CLOCK: variants seen among roughly 807,000 people sequenced by gnomAD.
CLOCK encodes the protein clock circadian regulator, also known as circadian locomoter output cycles protein kaput.
In CLOCK, 43 loss-of-function variants were observed where a neutral mutation model predicts 118.4. That is an observed-to-expected ratio of 0.36 (90% CI 0.28 to 0.47). CLOCK has a LOEUF of 0.47. CLOCK is among the 20% of genes least tolerant of loss of function. CLOCK has a pLI of 1.00. For synonymous variants in CLOCK, 326 were observed against 339.2 expected, an observed-to-expected ratio of 0.96 and a Z score of 0.43; for missense variants, 846 against 999.9, an observed-to-expected ratio of 0.85 and a Z score of 2.08.
At position 55,479,693 on chromosome 4, in the gene CLOCK, G is replaced by A; in HGVS notation, c.54C>T (p.Asp18=). The change falls in exon 5 of 23, where the codon GAC becomes GAT. Residue 18 remains aspartate, a synonymous_variant. Transcript: ENST00000513440. ...SKMSSIVDRD[D]SSIFDGLVEE... ...CCACCAACCCATCAAAAATACTACTGTCATCTCTAAAAGAAAGCGGATAGA... is the reference window on the plus strand; with the variant it reads ...CCACCAACCCATCAAAAATACTACTATCATCTCTAAAAGAAAGCGGATAGA... 1 of 1,612,448 alleles carries A rather than the reference G, an allele frequency of 6.2e-7. No homozygotes were observed. The highest frequency in any genetic ancestry group is 8.5e-7 in the Non-Finnish European group (1 of 1,178,978).
At chr4:55,446,940 A>C (rs1723902643) in intron 18 of CLOCK, among the ~76,000 whole-genome samples, 1 of 152,248 alleles carries the variant, frequency 6.6e-6, no homozygotes, top group Non-Finnish European at 1.5e-5. Context: ...TTCAGGGCAC[A>C]CAACTTTGAT....
At position 55,430,525 on chromosome 4, in the gene CLOCK, C is replaced by G. The variant is rs1008177481; in HGVS notation, c.*4890G>C. 5.3e-5 allele frequency: 8 copies of G among 152,162 alleles called. No homozygotes were observed. Among genetic ancestry groups the G allele is most frequent in the African/African-American group, 1.9e-4 (8 of 41,438 alleles). 9.4% of individuals were successfully genotyped at this position (152,162 alleles called of 1,614,324 possible). A position where few individuals can be genotyped will look rare whatever the true frequency, so the allele number is the denominator to read the frequency against. On this transcript the variant is annotated 3_prime_UTR_variant, in exon 23 of 23. Coordinates refer to ENST00000513440, the MANE Select transcript of CLOCK (RefSeq NM_004898.4). ...GAATAACTGTGCCAACAAAATTCATCCCCAGTGTTTCCACAGGAGACATTA... is the reference window on the plus strand; with the variant it reads ...GAATAACTGTGCCAACAAAATTCATGCCCAGTGTTTCCACAGGAGACATTA...
At chr4:55,519,573 G>A (rs1422721019) in intron 1 of CLOCK, among the ~76,000 whole-genome samples, 2 of 152,080 alleles carry the variant, frequency 1.3e-5, no homozygotes, top group East Asian at 3.9e-4. Flanking sequence ...GATCACCTGA[G>A]TTGAGGCATT....
At chr4:55,508,147 G>A (rs967678662) in intron 2 of CLOCK, among the ~76,000 whole-genome samples, 2 of 152,132 alleles carry the variant, frequency 1.3e-5, no homozygotes, top group Admixed American at 6.5e-5. Context: ...CCTATCCATT[G>A]ACTCCAAAGG....
chr4:55,436,459 A>G (rs1722883014), intron 22 of CLOCK, among the ~76,000 whole-genome samples: 1 of 152,214 alleles, frequency 6.6e-6, no homozygotes, highest in Non-Finnish European at 1.5e-5. Flanking sequence ...AAACTCTCAG[A>G]TACAAAAAAA....
intron 1 of CLOCK, among the ~76,000 whole-genome samples, chr4:55,525,873 CAAAA>C (rs10535837): frequency 1.8e-4 from 26 of 142,806 alleles, no homozygotes; most frequent in African/African-American, 2.1e-4. Flanking sequence ...TAGAACTGCT[CAAAA>C]AAAAAAAAAA....
chr4:55,479,499 T>C, intron 5 of CLOCK, 141 bp downstream of exon 5: 1 of 673,530 alleles, frequency 1.5e-6, no homozygotes. Context: ...TACATACCAA[T>C]ATTCTAAGTT....
chr4:55,451,882 G>A (rs1207782443), intron 15 of CLOCK, among the ~76,000 whole-genome samples: 2 of 152,160 alleles, frequency 1.3e-5, no homozygotes, highest in Non-Finnish European at 2.9e-5. Context: ...ATTCAGTGCT[G>A]TATTCTTAGC....
chr4:55,536,773 A>AC (rs1300091363), intron 1 of CLOCK, among the ~76,000 whole-genome samples: 1 of 149,896 alleles, frequency 6.7e-6, no homozygotes, highest in African/African-American at 2.5e-5. Context: ...CCCTTCCCCC[A>AC]CCCCTCTCCC....
rs753684181 is a variant in CLOCK, at chr4:55,428,062, AAAC to A, written c.*7350_*7352del. ...TATTTTTTATTTTTAAAATTGAAGG[AAAC>A]AAAGTCTGGATCTAATTATTTTTAC... is the stretch of plus-strand genomic sequence containing the variant. On this transcript the variant is annotated 3_prime_UTR_variant, in exon 23 of 23. Transcript: ENST00000513440. The A allele has an allele frequency of 1.6e-4, 24 of 152,354 alleles. No homozygotes were observed. The highest frequency in any genetic ancestry group is 4.1e-4 in the South Asian group (2 of 4,826). 9.4% of individuals were successfully genotyped at this position (152,354 alleles called of 1,614,324 possible). A position where few individuals can be genotyped will look rare whatever the true frequency, so the allele number is the denominator to read the frequency against.
chr4:55,516,623 A>G (rs1729532724), intron 1 of CLOCK, among the ~76,000 whole-genome samples: 1 of 152,192 alleles, frequency 6.6e-6, no homozygotes, highest in Non-Finnish European at 1.5e-5. Flanking sequence ...GACAACATAA[A>G]GTTAAGCCTT....
rs541740758 is a variant in CLOCK, at chr4:55,489,308, T to C, written c.-44+66A>G. ...TAAATTAGTGTGTCAAAATAGTTGA[T>C]GAATTCTTTTATTTTTCTGGAAAAA... On this transcript the variant is annotated intron_variant, in intron 3 of 22. Coordinates refer to ENST00000513440, the MANE Select transcript of CLOCK (RefSeq NM_004898.4). The C allele has an allele frequency of 6.6e-5, 10 of 152,312 alleles. No individual in the cohort carries two copies. In the South Asian group the frequency reaches 2.1e-3, roughly 32 times the overall value. The allele number at this position is 152,312 out of a possible 1,614,324, so 9.4% of individuals were successfully genotyped here. A position where few individuals can be genotyped will look rare whatever the true frequency, so the allele number is the denominator to read the frequency against.
intron 6 of CLOCK, among the ~76,000 whole-genome samples, chr4:55,477,752 T>C (rs901774234): frequency 1.3e-5 from 2 of 151,352 alleles, no homozygotes; most frequent in Non-Finnish European, 1.5e-5. Context: ...AGAGAAAGAG[T>C]GTACAGAAAG....
intron 21 of CLOCK, 164 bp downstream of exon 21, chr4:55,442,268 A>C: frequency 1.5e-6 from 1 of 676,566 alleles, no homozygotes; most frequent in Non-Finnish European, 2.5e-6. Context: ...TGAAGTCTTT[A>C]AACAATGAAT....
At position 55,475,999 on chromosome 4, in the gene CLOCK, G is replaced by A. The variant is rs1305770397; in HGVS notation, c.312C>T (p.Phe104=). The change falls in exon 7 of 23, where the codon TTC becomes TTT. Residue 104 remains phenylalanine (F), a synonymous_variant. Transcript: ENST00000513440. ...ATTGTGTAAACTCTTCATTACTAAGGAATGTAGGTTTCCAGTCCTGTCGAA... is the reference window on the plus strand; with the variant it reads ...ATTGTGTAAACTCTTCATTACTAAGAAATGTAGGTTTCCAGTCCTGTCGAA... ...SEIRQDWKPT[F]LSNEEFTQLM... 1 of 1,612,650 alleles carries A rather than the reference G, an allele frequency of 6.2e-7. No individual in the cohort carries two copies. Among genetic ancestry groups the A allele is most frequent in the East Asian group, 2.2e-5 (1 of 44,844 alleles).
chr4:55,466,359 G>A (rs1725739577), intron 8 of CLOCK, among the ~76,000 whole-genome samples: 1 of 152,172 alleles, frequency 6.6e-6, no homozygotes, highest in Non-Finnish European at 1.5e-5. Flanking sequence ...CAAACTGTGA[G>A]TCAATTAAAC....
In CLOCK at chr4:55,434,375, T is replaced by G. The variant is rs998531039; in HGVS notation, c.*1040A>C. On this transcript the variant is annotated 3_prime_UTR_variant, in exon 23 of 23. Transcript: ENST00000513440. ...AGATGTTTTGTGTGCAAATTTTACCTCTATAACTGAAACATTCTTGAAATT... is the reference window on the plus strand; with the variant it reads ...AGATGTTTTGTGTGCAAATTTTACCGCTATAACTGAAACATTCTTGAAATT... 1.3e-5 allele frequency: 2 copies of G among 152,614 alleles called. No homozygotes were observed. Among genetic ancestry groups the G allele is most frequent in the Non-Finnish European group, 2.9e-5 (2 of 68,020 alleles). 9.5% of individuals were successfully genotyped at this position (152,614 alleles called of 1,614,324 possible). A position where few individuals can be genotyped will look rare whatever the true frequency, so the allele number is the denominator to read the frequency against.
At chr4:55,459,061 T>G (rs376624907) in intron 10 of CLOCK, 51 bp from the exon 11 acceptor site, 1 of 1,505,362 alleles carries the variant, frequency 6.6e-7, no homozygotes, top group Non-Finnish European at 9.2e-7. Context: ...AAAACCTAAT[T>G]GTCACTGATA....
intron 3 of CLOCK, among the ~76,000 whole-genome samples, chr4:55,485,766 C>G (rs914752334): frequency 3.3e-5 from 5 of 152,086 alleles, no homozygotes; most frequent in African/African-American, 1.2e-4. Context: ...GTTTATAACA[C>G]AAAGGATAAA....
Sources: gnomAD v4.1 joint callset for allele counts (sites outside exome capture counted in the v4.1 genomes callset) on GRCh38, gnomAD v4.1.1 for gene constraint, MANE v1.5 for transcripts, NCBI Gene and HGNC (gene_info 2026-07-23, HGNC 2026-07-21) for gene names.